Variants in ARHGAP32 observed in about 807,000 individuals in gnomAD.
The protein encoded by ARHGAP32 is Rho GTPase activating protein 32.
ARHGAP32 carries 51 observed loss-of-function variants against 186.5 expected under a neutral mutation model. That is an observed-to-expected ratio of 0.27 (90% CI 0.22 to 0.35). The LOEUF is 0.35. ARHGAP32 is among the 10% of genes least tolerant of loss of function. ARHGAP32 has a pLI of 1.00. For synonymous variants in ARHGAP32, 950 were observed against 964.3 expected (o/e 0.99, Z 0.27); for missense variants, 2,186 against 2,623.5 (o/e 0.83, Z 3.64).
At chr11:129,126,073 C>G in intron 2 of ARHGAP32, 2 of 396,602 alleles carry the variant, frequency 5.0e-6, no homozygotes, top group Non-Finnish European at 9.9e-6. Flanking sequence ...CAGTACTCAT[C>G]ATCATTCAAT....
chr11:128,982,649 G>A (rs1945740717), intron 15 of ARHGAP32, among the ~76,000 whole-genome samples: 1 of 152,084 alleles, frequency 6.6e-6, no homozygotes, highest in Admixed American at 6.6e-5. Flanking sequence ...CAGTCTGGGA[G>A]GCTGAGGCAG....
chr11:129,279,573 C>CCTCCGCCTCCTCCG (rs1226439565), upstream of ARHGAP32, among the ~76,000 whole-genome samples: 157 of 146,450 alleles, frequency 1.1e-3, no homozygotes, highest in Non-Finnish European at 1.6e-3. Context: ...GCCCGCCCAG[C>CCTCCGCCTCCTCCG]CTCCGCCTCC....
At chr11:129,103,305 G>C (rs571968757) in intron 5 of ARHGAP32, among the ~76,000 whole-genome samples, 3 of 152,178 alleles carry the variant, frequency 2.0e-5, no homozygotes, top group East Asian at 3.9e-4. Flanking sequence ...AACAGTAAAT[G>C]AAAGGAGCAG....
At chr11:129,161,961 CAGCCATAAAAAAAGATG>C (rs1203390918) in intron 2 of ARHGAP32, among the ~76,000 whole-genome samples, 1 of 152,170 alleles carries the variant, frequency 6.6e-6, no homozygotes, top group Non-Finnish European at 1.5e-5. Flanking sequence ...GAATACTATG[CAGCCATAAAAAAAGATG>C]AGTTCTTGTC....
At chr11:129,069,851 A>G (rs1940814404) in intron 6 of ARHGAP32, among the ~76,000 whole-genome samples, 1 of 152,046 alleles carries the variant, frequency 6.6e-6, no homozygotes. Flanking sequence ...GAAGTGGTCA[A>G]GATCACTGAA....
intron 1 of ARHGAP32, among the ~76,000 whole-genome samples, chr11:129,252,953 A>G (rs1640384230): frequency 3.3e-5 from 5 of 152,326 alleles, no homozygotes; most frequent in South Asian, 2.1e-4. Flanking sequence ...GCTTGAAAAT[A>G]GAGGAAGAAT....
At chr11:129,206,733 A>C (rs901553635) in intron 1 of ARHGAP32, among the ~76,000 whole-genome samples, 7 of 150,492 alleles carry the variant, frequency 4.7e-5, no homozygotes, top group African/African-American at 1.7e-4. Context: ...TCTAGCTCTT[A>C]TATTTCCTGT....
chr11:129,126,728 A>C (rs969879368), intron 2 of ARHGAP32, among the ~76,000 whole-genome samples: 3 of 152,180 alleles, frequency 2.0e-5, no homozygotes, highest in Non-Finnish European at 4.4e-5. Flanking sequence ...GAATTGAGTG[A>C]ACAATATATT....
At chr11:129,179,257 C>G (rs951609170) in intron 1 of ARHGAP32, among the ~76,000 whole-genome samples, 4 of 152,178 alleles carry the variant, frequency 2.6e-5, no homozygotes, top group Non-Finnish European at 4.4e-5. Context: ...CCATCTCACA[C>G]CAGTTAGAAT....
intron 1 of ARHGAP32, among the ~76,000 whole-genome samples, chr11:129,186,468 T>G (rs1944163988): frequency 6.6e-6 from 1 of 152,192 alleles, no homozygotes; most frequent in African/African-American, 2.4e-5. Context: ...CATATCAGAC[T>G]TTGCTGATTA....
At chr11:129,075,563 A>G (rs1941010690) in intron 6 of ARHGAP32, among the ~76,000 whole-genome samples, 1 of 152,184 alleles carries the variant, frequency 6.6e-6, no homozygotes, top group East Asian at 1.9e-4. Context: ...ATAAGAAATT[A>G]TTTAACACCC....
upstream of ARHGAP32, among the ~76,000 whole-genome samples, chr11:129,193,436 C>T (rs1214890159): frequency 4.3e-5 from 5 of 115,318 alleles, no homozygotes; most frequent in African/African-American, 1.7e-4. Context: ...GAGCCATAAT[C>T]ACGCCACTGC....
At chr11:129,051,485 GGTTT>G (rs1341718458) in intron 10 of ARHGAP32, among the ~76,000 whole-genome samples, 6 of 151,964 alleles carry the variant, frequency 3.9e-5, no homozygotes, top group Non-Finnish European at 8.8e-5. Flanking sequence ...CTTTTTGATG[GGTTT>G]GTTTTCTTGT....
chr11:129,245,707 A>C (rs1945085493), intron 1 of ARHGAP32, among the ~76,000 whole-genome samples: 1 of 150,324 alleles, frequency 6.7e-6, no homozygotes, highest in Non-Finnish European at 1.5e-5. Flanking sequence ...ATAATGTATG[A>C]AGGTAACAAT....
At chr11:129,231,290 ATT>A (rs1288052584) in intron 1 of ARHGAP32, among the ~76,000 whole-genome samples, 1 of 152,160 alleles carries the variant, frequency 6.6e-6, no homozygotes, top group African/African-American at 2.4e-5. Flanking sequence ...GTGGCTAATA[ATT>A]TTGTTTTCTG....
At chr11:129,174,861 T>G (rs1943875300) in intron 1 of ARHGAP32, among the ~76,000 whole-genome samples, 1 of 148,768 alleles carries the variant, frequency 6.7e-6, no homozygotes, top group Non-Finnish European at 1.5e-5. Context: ...ACAGAAAAAC[T>G]GGAAACTCTA....
At chr11:129,109,563 T>C (rs1942147248) in intron 5 of ARHGAP32, among the ~76,000 whole-genome samples, 1 of 152,126 alleles carries the variant, frequency 6.6e-6, no homozygotes, top group Non-Finnish European at 1.5e-5. Context: ...AGGTCCCTTT[T>C]CTCTGCATAC....
intron 11 of ARHGAP32, among the ~76,000 whole-genome samples, chr11:129,015,513 G>C (rs1310394573): frequency 6.6e-6 from 1 of 152,008 alleles, no homozygotes; most frequent in Non-Finnish European, 1.5e-5. Flanking sequence ...ATAAAAGATA[G>C]AGCTGAAGCC....
At chr11:128,986,706 T>C (rs1945882425) in intron 13 of ARHGAP32, 38 bp from the exon 14 acceptor site, 2 of 1,605,006 alleles carry the variant, frequency 1.2e-6, no homozygotes, top group Non-Finnish European at 1.7e-6. Flanking sequence ...ATCATTTGAT[T>C]GAGGAGAGCA....
Sources: allele counts gnomAD v4.1 joint callset (sites outside exome capture counted in the v4.1 genomes callset), GRCh38; gene constraint gnomAD v4.1.1; transcripts MANE v1.5; gene names NCBI Gene and HGNC (gene_info 2026-07-23, HGNC 2026-07-21).